Variants in TRIM55 observed in about 807,000 individuals in gnomAD.
TRIM55 encodes tripartite motif-containing protein 55.
A neutral mutation model predicts 60.9 loss-of-function variants in TRIM55; 50 were observed. The ratio of observed to expected loss-of-function variants is 0.82; its 90% CI spans 0.65 to 1.04. The LOEUF (loss-of-function observed/expected upper bound fraction) is 1.04. Among genes scored for constraint, TRIM55 ranks in the 50% least tolerant of loss-of-function variants. TRIM55 has a pLI of 0.00. For missense variants in TRIM55, 681 were observed against 666.9 expected (o/e 1.02, Z -0.23); for synonymous variants, 237 against 238.1 (o/e 1.00, Z 0.04).
At chr8:66,150,530 G>C in intron 7 of TRIM55, 64 bp downstream of exon 7, 1 of 1,597,294 alleles carries the variant, frequency 6.3e-7, no homozygotes, top group Non-Finnish European at 8.6e-7. Flanking sequence ...GAAGAGTTGG[G>C]TGGGAGGAAA....
At chr8:66,145,574 T>A (rs1052263251) in intron 4 of TRIM55, among the ~76,000 whole-genome samples, 6 of 152,308 alleles carry the variant, frequency 3.9e-5, no homozygotes, top group African/African-American at 1.4e-4. Context: ...TGAATTTTGT[T>A]GAAAGAACTA....
At chr8:66,146,698 T>C (rs1810113251) in intron 4 of TRIM55, among the ~76,000 whole-genome samples, 1 of 152,242 alleles carries the variant, frequency 6.6e-6, no homozygotes, top group African/African-American at 2.4e-5. Flanking sequence ...CCTGGTTGCC[T>C]GAAGGTTGGA....
intron 4 of TRIM55, among the ~76,000 whole-genome samples, chr8:66,145,041 A>G (rs567036500): frequency 6.6e-6 from 1 of 152,028 alleles, no homozygotes; most frequent in African/African-American, 2.4e-5. Flanking sequence ...TTTTTTTTTC[A>G]TGGCACATAT....
intron 2 of TRIM55, among the ~76,000 whole-genome samples, chr8:66,132,882 T>A (rs938943890): frequency 2.6e-5 from 4 of 152,158 alleles, no homozygotes; most frequent in Non-Finnish European, 5.9e-5. Flanking sequence ...ATAAATAAAT[T>A]GAATCACAAA....
At chr8:66,114,125 G>A in the TRIM55 span, among the ~76,000 whole-genome samples, 2 of 136,532 alleles carry the variant, frequency 1.5e-5, no homozygotes, top group Non-Finnish European at 3.0e-5. Context: ...AAAAAAGTCT[G>A]TCTTCAGCGC....
rs192092302 is a variant in TRIM55, at chr8:66,150,055, T to C, written c.838-162T>C. Among the ~76,000 whole-genome samples, 510 of 152,380 alleles carry C rather than the reference T, an allele frequency of 3.3e-3. 5 individuals are homozygous for C. Among genetic ancestry groups the C allele is most frequent in the Non-Finnish European group, 5.9e-3 (402 of 68,024 alleles). On this transcript the variant is annotated intron_variant, in intron 5 of 9. Coordinates refer to ENST00000315962, the MANE Select transcript of TRIM55 (RefSeq NM_184085.2). The stretch of plus-strand genomic sequence containing the variant: ...AACAACTTAAATAGCATGTCTATGA[T>C]ACTGCTTAAATCTAATAGGGTTCTG...
At chr8:66,115,956 G>A in the TRIM55 span, among the ~76,000 whole-genome samples, 10 of 152,176 alleles carry the variant, frequency 6.6e-5, no homozygotes, top group Non-Finnish European at 1.5e-4. Context: ...CATTTCCCTG[G>A]CAAACTGTAG....
In TRIM55 at chr8:66,149,728, G is replaced by T; in HGVS notation, c.687G>T (p.Met229Ile). 1.2e-6 allele frequency: 2 copies of T among 1,614,154 alleles called. No individual in the cohort carries two copies. Among genetic ancestry groups the T allele is most frequent in the South Asian group, 2.2e-5 (2 of 91,066 alleles). Residue 229 changes from methionine (M) to isoleucine (I), a missense_variant, in exon 5 of 10, where the codon ATG (methionine) becomes ATT (isoleucine). Physicochemically the swap from Met to Ile is conservative, Grantham distance 10 (BLOSUM62 1). Coordinates refer to ENST00000315962, the MANE Select transcript of TRIM55 (RefSeq NM_184085.2). Reference protein sequence around the residue: ...YGILEERKNEMTQVITRTQEE... With the variant: ...YGILEERKNEITQVITRTQEE... ...TTTTGGAGGAGAGGAAGAATGAAATGACCCAAGTCATTACCCGAACCCAAG... is the reference window on the plus strand; with the variant it reads ...TTTTGGAGGAGAGGAAGAATGAAATTACCCAAGTCATTACCCGAACCCAAG...
chr8:66,130,595 G>A (rs1319969152), intron 2 of TRIM55, among the ~76,000 whole-genome samples: 2 of 150,874 alleles, frequency 1.3e-5, no homozygotes, highest in Non-Finnish European at 2.9e-5. Context: ...CTGGGATGTT[G>A]TCAGTCAACT....
chr8:66,155,477 AG>A, intron 9 of TRIM55: 1 of 548,880 alleles, frequency 1.8e-6, no homozygotes, highest in East Asian at 3.0e-5. Context: ...CTGTGTGCGG[AG>A]GGGCTGTTTT....
chr8:66,166,121 A>G (rs1322175542), intron 9 of TRIM55, among the ~76,000 whole-genome samples: 1 of 152,204 alleles, frequency 6.6e-6, no homozygotes, highest in Admixed American at 6.5e-5. Context: ...GAAGGACAAT[A>G]AAAAAGTCAA....
intron 3 of TRIM55, 120 bp downstream of exon 3, chr8:66,135,275 A>G (rs976923756): frequency 2.2e-5 from 23 of 1,026,114 alleles, no homozygotes; most frequent in Non-Finnish European, 3.1e-5. Flanking sequence ...ACGCAGGGCC[A>G]TGGGACACTG....
At chr8:66,119,661 C>G in the TRIM55 span, among the ~76,000 whole-genome samples, 17 of 152,350 alleles carry the variant, frequency 1.1e-4, no homozygotes, top group South Asian at 1.9e-3. Context: ...GGATTCACAT[C>G]ACTCTAGCCA....
chr8:66,113,462 C>G, the TRIM55 span: 4 of 452,224 alleles, frequency 8.8e-6, no homozygotes, highest in Non-Finnish European at 1.3e-5. Flanking sequence ...TCGAAGGAGA[C>G]AAGTGCGGTT....
At chr8:66,119,761 A>G in the TRIM55 span, among the ~76,000 whole-genome samples, 2 of 152,160 alleles carry the variant, frequency 1.3e-5, no homozygotes, top group African/African-American at 4.8e-5. Context: ...ATTTTTTTAT[A>G]TCTCATGTTC....
chr8:66,129,837 T>G (rs912497552), intron 2 of TRIM55, among the ~76,000 whole-genome samples: 4 of 152,216 alleles, frequency 2.6e-5, no homozygotes, highest in Admixed American at 6.5e-5. Context: ...AACCTAATAT[T>G]AAGAGAGTTT....
In TRIM55 at chr8:66,146,581, T is replaced by A. The variant is rs1810108129; in HGVS notation, c.604-3064T>A. Among the ~76,000 whole-genome samples, 7 of 152,336 alleles carry A rather than the reference T, an allele frequency of 4.6e-5. No homozygotes were observed. In the South Asian group the frequency reaches 1.5e-3, roughly 32 times the overall value. ...CTTAATATAATACTCATATTATAAA[T>A]GTTTCAAGTGCACAACTCATTTGGG... is the stretch of plus-strand genomic sequence containing the variant. On this transcript the variant is annotated intron_variant, in intron 4 of 9. Transcript: ENST00000315962.
intron 8 of TRIM55, among the ~76,000 whole-genome samples, chr8:66,153,578 A>G (rs1008711985): frequency 1.3e-5 from 2 of 152,256 alleles, no homozygotes; most frequent in Non-Finnish European, 2.9e-5. Context: ...TAGAATTTTT[A>G]AATTCTGAGC....
rs1810503836 is a variant in TRIM55 at position 66,152,640 on chromosome 8, G to A, written c.1236+13G>A. On this transcript the variant is annotated intron_variant, in intron 8 of 9. Transcript: ENST00000315962. The stretch of plus-strand genomic sequence containing the variant: ...CCCTGTGACACAGGTAACCCCTCCT[G>A]AGTCTCTTTCTACAGGGCACATGGG... The A allele has an allele frequency of 1.2e-5, 20 of 1,611,722 alleles. No individual in the cohort carries two copies. Among genetic ancestry groups the A allele is most frequent in the Non-Finnish European group, 1.7e-5 (20 of 1,179,012 alleles).
Sources: gnomAD v4.1 joint callset for allele counts (sites outside exome capture counted in the v4.1 genomes callset) on GRCh38, gnomAD v4.1.1 for gene constraint, MANE v1.5 for transcripts, NCBI Gene and HGNC (gene_info 2026-07-23, HGNC 2026-07-21) for gene names.